Variants in STAT4 observed in about 807,000 individuals in gnomAD.
STAT4 encodes the protein signal transducer and activator of transcription 4.
A neutral mutation model predicts 110.5 loss-of-function variants in STAT4; 42 were observed. The ratio of observed to expected loss-of-function variants is 0.38; its 90% CI spans 0.30 to 0.49. The LOEUF (loss-of-function observed/expected upper bound fraction) is 0.49. STAT4 is among the 20% of genes least tolerant of loss of function. The pLI is 0.95. For missense variants in STAT4, 632 were observed against 887.9 expected, an observed-to-expected ratio of 0.71 and a Z score of 3.66; for synonymous variants, 284 against 302.2, an observed-to-expected ratio of 0.94 and a Z score of 0.63.
chr2:191,064,737 C>T (rs112173605), intron 8 of STAT4, 70 bp downstream of exon 8: 29 of 1,543,690 alleles, frequency 1.9e-5, no homozygotes, highest in African/African-American at 1.8e-4. Flanking sequence ...CCTGCGTTCT[C>T]TGGCTGAGTG....
At position 191,064,794 on chromosome 2, in the gene STAT4, C is replaced by T. The variant is rs1235541891; in HGVS notation, c.782+13G>A. ...TGTGGTTTTCACTAGAAACTGCAGTCGATTCGTTTTACCAGTTCTGAAGCT... is the reference window on the plus strand; with the variant it reads ...TGTGGTTTTCACTAGAAACTGCAGTTGATTCGTTTTACCAGTTCTGAAGCT... On this transcript the variant is annotated intron_variant, in intron 8 of 23. Transcript: ENST00000392320. 6 of 1,603,112 alleles carry T rather than the reference C, an allele frequency of 3.7e-6. No homozygotes were observed. Among genetic ancestry groups the T allele is most frequent in the Middle Eastern group, 1.7e-4 (1 of 5,978 alleles).
At chr2:191,131,806 G>A in intron 3 of STAT4, 1 of 1,374,850 alleles carries the variant, frequency 7.3e-7, no homozygotes, top group Non-Finnish European at 9.4e-7. Context: ...TGTCCCAGGT[G>A]AAGAAGCTAA....
intron 3 of STAT4, among the ~76,000 whole-genome samples, chr2:191,136,809 C>T (rs1219367446): frequency 6.6e-6 from 1 of 151,960 alleles, no homozygotes; most frequent in Non-Finnish European, 1.5e-5. Flanking sequence ...ACTAGAAAAT[C>T]CTAAAGAGTC....
Position 191,053,866 on chromosome 2 carries a change from C to T in STAT4, c.1251+624G>A, listed in dbSNP as rs763556465. Among the ~76,000 whole-genome samples, 17 of 152,142 alleles carry T rather than the reference C, an allele frequency of 1.1e-4. No individual in the cohort carries two copies. The highest frequency in any genetic ancestry group is 1.9e-4 in the African/African-American group (8 of 41,414). On this transcript the variant is annotated intron_variant, in intron 14 of 23. Coordinates refer to ENST00000392320, the MANE Select transcript of STAT4 (RefSeq NM_003151.4). The surrounding 1 kb of genome is among the most constrained non-coding windows in gnomAD (Gnocchi z 4.5). ...TCTCCGGGCTGGGCACGGTGGCTCA[C>T]GCCTATAATCCCAGCATTTTGGGAG...
rs1696502628 is a variant in STAT4 at position 191,050,869 on chromosome 2, T to C, written c.1251+3621A>G. 6.6e-6 allele frequency among the ~76,000 whole-genome samples: 1 copy of C among 152,174 alleles called. No individual in the cohort carries two copies. Among genetic ancestry groups the C allele is most frequent in the Non-Finnish European group, 1.5e-5 (1 of 68,042 alleles). ...TCCTGACAGCTCAGCTCTTCTTGGG[T>C]AATCTCAAACAGTCACAGGGTGCTG... is the stretch of plus-strand genomic sequence containing the variant. On this transcript the variant is annotated intron_variant, in intron 14 of 23. Coordinates refer to ENST00000392320, the MANE Select transcript of STAT4 (RefSeq NM_003151.4). The surrounding 1 kb of genome is among the most constrained non-coding windows in gnomAD (Gnocchi z 4.3).
At position 191,062,297 on chromosome 2, in the gene STAT4, C is replaced by A. The variant is rs554529465; in HGVS notation, c.941+465G>T. Among the ~76,000 whole-genome samples the A allele has an allele frequency of 9.2e-5, 14 of 152,210 alleles. No homozygotes were observed. The highest frequency in any genetic ancestry group is 2.1e-4 in the South Asian group (1 of 4,820). The stretch of plus-strand genomic sequence containing the variant: ...TTCTACAACTCCTGAGCTCAAGCAA[C>A]CCCTTGCCTCAGCCTCCCAAGGTGC... On this transcript the variant is annotated intron_variant, in intron 9 of 23. Transcript: ENST00000392320. The surrounding 1 kb of genome is among the most constrained non-coding windows in gnomAD (Gnocchi z 4.9).
chr2:191,099,123 A>C lies in STAT4; in HGVS notation c.274-22798T>G, dbSNP rs918486850. ...TGTGGGAAAGGATGCCCCATCTCCC[A>C]AATAGTTAGGAAAAAAGCAAATTTA... On this transcript the variant is annotated intron_variant, in intron 3 of 23. Transcript: ENST00000392320. The surrounding 1 kb of genome is among the most constrained non-coding windows in gnomAD (Gnocchi z 4.1). 1.3e-4 allele frequency among the ~76,000 whole-genome samples: 20 copies of C among 152,188 alleles called. No homozygotes were observed. Among genetic ancestry groups the C allele is most frequent in the Non-Finnish European group, 2.4e-4 (16 of 67,984 alleles).
chr2:191,034,136 T>G (rs561498200), intron 18 of STAT4, 131 bp from the exon 19 acceptor site: 5 of 728,930 alleles, frequency 6.9e-6, no homozygotes. Flanking sequence ...TTAAAAAATA[T>G]TCTTGGCCTG....
At chr2:191,034,994 T>C (rs1286474889) in intron 17 of STAT4, among the ~76,000 whole-genome samples, 1 of 152,158 alleles carries the variant, frequency 6.6e-6, no homozygotes, top group Non-Finnish European at 1.5e-5. Context: ...TAAATGAACA[T>C]TATAAAACAA....
chr2:191,109,565 T>C (rs1002871122), intron 3 of STAT4, among the ~76,000 whole-genome samples: 3 of 152,228 alleles, frequency 2.0e-5, no homozygotes, highest in Non-Finnish European at 2.9e-5. Flanking sequence ...GGTGGCTTTG[T>C]TGGGGTCATA....
At chr2:191,100,079 T>C (rs886952825) in intron 3 of STAT4, among the ~76,000 whole-genome samples, 3 of 152,172 alleles carry the variant, frequency 2.0e-5, no homozygotes, top group African/African-American at 7.2e-5. Context: ...AATTTTTAAT[T>C]AATTTACATA....
At position 191,066,380 on chromosome 2, in the gene STAT4, G is replaced by T; in HGVS notation, c.630+50C>A. The T allele has an allele frequency of 6.6e-7, 1 of 1,504,314 alleles. No homozygotes were observed. Among genetic ancestry groups the T allele is most frequent in the South Asian group, 1.1e-5 (1 of 87,708 alleles). 93.2% of individuals were successfully genotyped at this position (1,504,314 alleles called of 1,614,324 possible). On this transcript the variant is annotated intron_variant, in intron 7 of 23. Coordinates refer to ENST00000392320, the MANE Select transcript of STAT4 (RefSeq NM_003151.4). This position sits in a 1 kb window ranked among gnomAD's most constrained non-coding sequence, Gnocchi z 4.3. ...ATTATTTTCAGTTAGTCTAAGTTTA[G>T]AAAAAAGGAGAAAAATAGGCAAAAG...
chr2:191,030,707 G>T lies in STAT4; in HGVS notation c.2220+265C>A. 2.8e-6 allele frequency: 1 copy of T among 358,128 alleles called. No homozygotes were observed. Among genetic ancestry groups the T allele is most frequent in the Non-Finnish European group, 5.3e-6 (1 of 189,190 alleles). 22.2% of individuals were successfully genotyped at this position (358,128 alleles called of 1,614,324 possible). ...CAAGCAGCGATAGTGTGCTTGAGTA[G>T]GGTATAGGAATATTTTGCCCTCTGG... is the stretch of plus-strand genomic sequence containing the variant. On this transcript the variant is annotated intron_variant, in intron 23 of 23. Transcript: ENST00000392320. This position sits in a 1 kb window ranked among gnomAD's most constrained non-coding sequence, Gnocchi z 4.4.
rs201972198 is a variant in STAT4, at chr2:191,064,856, C to A, written c.733G>T (p.Ala245Ser). Reference sequence around the variant, plus strand: ...TTGTGGAGTGGACCCCCGATGCAGGCGATTTGCTGCCGCCGCTTCCAGTCT... The same window carrying A: ...TTGTGGAGTGGACCCCCGATGCAGGAGATTTGCTGCCGCCGCTTCCAGTCT... The part of the protein sequence containing the change: ...LQDWKRRQQI[A>S]CIGGPLHNGL... Residue 245 changes from alanine to serine, a missense_variant, in exon 8 of 24, where the codon GCC becomes TCC. By Grantham distance (99) the Ala-to-Ser change is moderately conservative. Around this residue, in one of 4 missense-constraint regions of STAT4, gnomAD observed 488 missense variants for 632.8 expected, o/e 0.77. Coordinates refer to ENST00000392320, the MANE Select transcript of STAT4 (RefSeq NM_003151.4). 4 of 1,613,382 alleles carry A rather than the reference C, an allele frequency of 2.5e-6. No homozygotes were observed. The highest frequency in any genetic ancestry group is 3.3e-5 in the Admixed American group (2 of 59,920).
Position 191,142,063 on chromosome 2 carries a change from C to T in STAT4, c.273+4550G>A, listed in dbSNP as rs1488275226. On this transcript the variant is annotated intron_variant, in intron 3 of 23. Coordinates refer to ENST00000392320, the MANE Select transcript of STAT4 (RefSeq NM_003151.4). This position sits in a 1 kb window ranked among gnomAD's most constrained non-coding sequence, Gnocchi z 4.1. ...ACTACTATAGGCTCCAGCAATCCCA[C>T]TACTAGGTATTTATCCAAAGGAAAA... Among the ~76,000 whole-genome samples the T allele has an allele frequency of 6.6e-6, 1 of 152,058 alleles. No individual in the cohort carries two copies. The highest frequency in any genetic ancestry group is 1.5e-5 in the Non-Finnish European group (1 of 68,012).
At chr2:191,072,352 A>G (rs1025682449) in intron 5 of STAT4, among the ~76,000 whole-genome samples, 2 of 152,166 alleles carry the variant, frequency 1.3e-5, no homozygotes, top group Non-Finnish European at 2.9e-5. Flanking sequence ...ATAATGTGCC[A>G]AGGTATTTTG....
chr2:191,135,453 T>TTTG lies in STAT4; in HGVS notation c.273+11157_273+11159dup, dbSNP rs537263949. ...ACTGGATGACTTTACTGTCGAATTCTTTGTTGTTGTTGTTGTTATTGTTTT... is the reference window on the plus strand; with the variant it reads ...ACTGGATGACTTTACTGTCGAATTCTTTGTTGTTGTTGTTGTTGTTATTGTTTT... On this transcript the variant is annotated intron_variant, in intron 3 of 23. Coordinates refer to ENST00000392320, the MANE Select transcript of STAT4 (RefSeq NM_003151.4). The surrounding 1 kb of genome is among the most constrained non-coding windows in gnomAD (Gnocchi z 4.8). 1.8e-4 allele frequency among the ~76,000 whole-genome samples: 28 copies of TTTG among 152,242 alleles called. No homozygotes were observed. The highest frequency in any genetic ancestry group is 2.8e-4 in the Non-Finnish European group (19 of 68,016).
At position 191,138,040 on chromosome 2, in the gene STAT4, G is replaced by A. The variant is rs1330801382; in HGVS notation, c.273+8573C>T. Among the ~76,000 whole-genome samples, 2 of 152,136 alleles carry A rather than the reference G, an allele frequency of 1.3e-5. No individual in the cohort carries two copies. The highest frequency in any genetic ancestry group is 2.1e-4 in the South Asian group (1 of 4,828). On this transcript the variant is annotated intron_variant, in intron 3 of 23. Transcript: ENST00000392320. The surrounding 1 kb of genome is among the most constrained non-coding windows in gnomAD (Gnocchi z 4.3). ...CATTAAACTAAAAAGCTTCTGCACA[G>A]CAAAGGAAACAATCAGCAGAGTGAA...
chr2:191,076,153 CAA>C, intron 4 of STAT4, 72 bp downstream of exon 4: 1 of 1,273,404 alleles, frequency 7.9e-7, no homozygotes, highest in Non-Finnish European at 1.1e-6. Context: ...TGTACCCTAC[CAA>C]AGATAATAAT....
Sources: gnomAD v4.1 joint callset for allele counts (sites outside exome capture counted in the v4.1 genomes callset) on GRCh38, gnomAD v4.1.1 for gene constraint, gnomAD v4.1.1 regional missense constraint, Gnocchi (gnomAD v3.1) non-coding constraint, MANE v1.5 for transcripts, NCBI Gene and HGNC (gene_info 2026-07-23, HGNC 2026-07-21) for gene names.